The following LPP variants were observed in gnomAD, a reference collection of about 807,000 sequenced individuals.
The protein encoded by LPP is lipoma-preferred partner.
A neutral mutation model predicts 60.4 loss-of-function variants in LPP; 38 were observed. That is an observed-to-expected ratio of 0.63 (90% CI 0.49 to 0.83). LPP has a LOEUF of 0.83. Among genes scored for constraint, LPP ranks in the 40% least tolerant of loss-of-function variants. The pLI, the probability that LPP is intolerant of heterozygous loss-of-function variation, is 0.00. For synonymous variants in LPP, 328 were observed against 290.8 expected (o/e 1.13, Z -1.30); for missense variants, 902 against 783.6 (o/e 1.15, Z -1.80).
chr3:188,439,775 G>T (rs1273707684), intron 4 of LPP, among the ~76,000 whole-genome samples: 1 of 152,172 alleles, frequency 6.6e-6, no homozygotes, highest in African/African-American at 2.4e-5. Context: ...CTGCCCTTGG[G>T]AACCTTCTAT....
intron 5 of LPP, among the ~76,000 whole-genome samples, chr3:188,508,887 CCAG>C (rs1199456159): frequency 2.6e-5 from 4 of 152,190 alleles, no homozygotes; most frequent in Admixed American, 1.3e-4. Context: ...AAATTCTAGG[CCAG>C]CAGATTTCAA....
intron 6 of LPP, among the ~76,000 whole-genome samples, chr3:188,607,309 T>C (rs1413883627): frequency 1.4e-5 from 2 of 145,860 alleles, no homozygotes; most frequent in African/African-American, 4.9e-5. Flanking sequence ...AATTCCATTG[T>C]GTATGTGTGA....
chr3:188,157,687 G>A (rs1050770945), intron 1 of LPP, among the ~76,000 whole-genome samples: 1 of 152,044 alleles, frequency 6.6e-6, no homozygotes, highest in Non-Finnish European at 1.5e-5. Context: ...GTGTGTGTGA[G>A]GGGGAGGGAA....
At chr3:188,363,824 G>T (rs891965484) in intron 3 of LPP, among the ~76,000 whole-genome samples, 12 of 145,072 alleles carry the variant, frequency 8.3e-5, no homozygotes, top group African/African-American at 3.0e-4. Flanking sequence ...AGAATCCCTT[G>T]ATCCTGGGAG....
intron 9 of LPP, among the ~76,000 whole-genome samples, chr3:188,818,923 T>C (rs1479784233): frequency 2.6e-5 from 4 of 152,132 alleles, no homozygotes; most frequent in Non-Finnish European, 5.9e-5. Flanking sequence ...GATAAGATAA[T>C]TTATTATGAA....
intron 3 of LPP, among the ~76,000 whole-genome samples, chr3:188,367,389 A>G (rs570345708): frequency 6.6e-6 from 1 of 152,294 alleles, no homozygotes; most frequent in East Asian, 1.9e-4. Context: ...TGAGTGTCAA[A>G]TATTTTAGTT....
intron 3 of LPP, among the ~76,000 whole-genome samples, chr3:188,388,044 A>G (rs535266429): frequency 1.4e-4 from 22 of 151,922 alleles, no homozygotes; most frequent in African/African-American, 4.8e-4. Context: ...GTAAATTTAG[A>G]TATGTTTCCA....
chr3:188,630,137 A>G (rs1433579806), intron 7 of LPP, among the ~76,000 whole-genome samples: 1 of 150,704 alleles, frequency 6.6e-6, no homozygotes, highest in Non-Finnish European at 1.5e-5. Flanking sequence ...ACCTAATTAA[A>G]GAGCTTCTGC....
At chr3:188,847,070 T>C (rs1761621509) in intron 9 of LPP, among the ~76,000 whole-genome samples, 2 of 152,222 alleles carry the variant, frequency 1.3e-5, no homozygotes, top group Admixed American at 6.5e-5. Context: ...AAATTTTACA[T>C]AAAAATCTAG....
In LPP at chr3:188,877,439, A is replaced by G. The variant is rs1201813329; in HGVS notation, c.*2960A>G. The stretch of plus-strand genomic sequence containing the variant: ...GAGACATGGAAAAGGAAAAAAATCC[A>G]CTATATCATGGGCTCTGCAGAACAT... On this transcript the variant is annotated 3_prime_UTR_variant, in exon 12 of 12. Transcript: ENST00000617246. The G allele has an allele frequency of 5.4e-6, 1 of 186,648 alleles. No individual in the cohort carries two copies. Among genetic ancestry groups the G allele is most frequent in the Non-Finnish European group, 1.1e-5 (1 of 88,266 alleles). The allele number at this position is 186,648 out of a possible 1,614,324, so 11.6% of individuals were successfully genotyped here. A position where few individuals can be genotyped will look rare whatever the true frequency, so the allele number is the denominator to read the frequency against.
chr3:188,416,942 G>A (rs75664281), intron 4 of LPP, among the ~76,000 whole-genome samples: 46 of 152,118 alleles, frequency 3.0e-4, no homozygotes, highest in African/African-American at 1.0e-3. Context: ...TCTGACACCT[G>A]AGCCTTTGGG....
At chr3:188,828,636 A>AAAAC in intron 9 of LPP, among the ~76,000 whole-genome samples, 3 of 148,254 alleles carry the variant, frequency 2.0e-5, no homozygotes, top group Admixed American at 6.8e-5. Context: ...AAAAAAAAAA[A>AAAAC]AAAACTCAGC....
chr3:188,595,518 A>G lies in LPP; in HGVS notation c.430-13643A>G, dbSNP rs576198021. 2.0e-5 allele frequency among the ~76,000 whole-genome samples: 3 copies of G among 152,304 alleles called. No homozygotes were observed. The East Asian group carries it at 5.8e-4, about 29-fold the overall frequency. ...AGCTTGGTCACCTTGTACCATGGTC[A>G]AAATAATGGTGCTCTCTTTCAAAAG... On this transcript the variant is annotated intron_variant, in intron 6 of 11. Coordinates refer to ENST00000617246, the MANE Select transcript of LPP (RefSeq NM_001375462.1).
At chr3:188,210,372 C>T (rs757240517) in intron 1 of LPP, among the ~76,000 whole-genome samples, 8 of 151,952 alleles carry the variant, frequency 5.3e-5, no homozygotes, top group South Asian at 2.1e-4. Flanking sequence ...AGAGGCAGAA[C>T]GTGAAGCAAG....
chr3:188,268,023 T>A (rs1203199266), intron 2 of LPP, among the ~76,000 whole-genome samples: 3 of 108,244 alleles, frequency 2.8e-5, no homozygotes, highest in African/African-American at 1.8e-4. Flanking sequence ...AAGGATTTTT[T>A]TTTTTTTTTT....
At chr3:188,862,712 C>CAAAAAAAAAAAAAAAA (rs140751676) in intron 9 of LPP, among the ~76,000 whole-genome samples, 35 of 55,582 alleles carry the variant, frequency 6.3e-4, no homozygotes, top group Middle Eastern at 8.2e-3. Flanking sequence ...CCCTACTAGA[C>CAAAAAAAAAAAAAAAA]AAAAAAATAA....
At chr3:188,757,893 T>TTTGTTTTTG (rs1347130195) in intron 8 of LPP, among the ~76,000 whole-genome samples, 3 of 146,752 alleles carry the variant, frequency 2.0e-5, no homozygotes, top group Non-Finnish European at 3.0e-5. Context: ...TTTTTGGTTT[T>TTTGTTTTTG]TTTTTTTTTT....
At chr3:188,487,441 T>C (rs1020048206) in intron 5 of LPP, among the ~76,000 whole-genome samples, 5 of 152,186 alleles carry the variant, frequency 3.3e-5, no homozygotes, top group Non-Finnish European at 5.9e-5. Context: ...GGCTTTGTTT[T>C]TGAAGAGGAA....
chr3:188,366,188 A>G (rs1771109220), intron 3 of LPP, among the ~76,000 whole-genome samples: 1 of 152,160 alleles, frequency 6.6e-6, no homozygotes, highest in Admixed American at 6.5e-5. Flanking sequence ...CTCCAGATTC[A>G]TCCATCTTCT....
Sources: gnomAD v4.1 joint callset for allele counts (sites outside exome capture counted in the v4.1 genomes callset) on GRCh38, gnomAD v4.1.1 for gene constraint, MANE v1.5 for transcripts, NCBI Gene and HGNC (gene_info 2026-07-23, HGNC 2026-07-21) for gene names.